Variants in TIAL1 observed in about 807,000 individuals in gnomAD.
TIAL1 encodes the protein nucleolysin TIAR.
Under a neutral mutation model 59.7 loss-of-function variants are expected in TIAL1, and 7 were observed. The ratio of observed to expected loss-of-function variants is 0.12; its 90% CI spans 0.07 to 0.22. The LOEUF (loss-of-function observed/expected upper bound fraction) is 0.22. Among genes scored for constraint, TIAL1 ranks in the 10% least tolerant of loss-of-function variants. TIAL1 has a pLI of 1.00. For synonymous variants in TIAL1, 149 were observed against 146.3 expected (o/e 1.02, Z -0.13); for missense variants, 225 against 462.5 (o/e 0.49, Z 4.71).
chr10:119,582,381 A>G lies in TIAL1; in HGVS notation c.228+78T>C, dbSNP rs1845345889. The G allele has an allele frequency of 6.6e-7, 1 of 1,514,148 alleles. No homozygotes were observed. Among genetic ancestry groups the G allele is most frequent in the Non-Finnish European group, 8.8e-7 (1 of 1,135,428 alleles). 93.8% of individuals were successfully genotyped at this position (1,514,148 alleles called of 1,614,324 possible). A position where few individuals can be genotyped will look rare whatever the true frequency, so the allele number is the denominator to read the frequency against. ...TCAGCAGCCGAATATCTGCTCAAAA[A>G]TTTGCCTAGAAAGAATACAAACTAG... On this transcript the variant is annotated intron_variant, in intron 3 of 11. Coordinates refer to ENST00000436547, the MANE Select transcript of TIAL1 (RefSeq NM_003252.4). This position sits in a 1 kb window ranked among gnomAD's most constrained non-coding sequence, Gnocchi z 5.1.
Position 119,575,647 on chromosome 10 carries a change from T to G in TIAL1, c.*18A>C. The G allele has an allele frequency of 6.2e-7, 1 of 1,613,648 alleles. No individual in the cohort carries two copies. Among genetic ancestry groups the G allele is most frequent in the Non-Finnish European group, 8.5e-7 (1 of 1,179,782 alleles). ...TCGAAGCCTATCATGAATTACAATT[T>G]TTTTTTAGAGTCCCGGCTCACTGTG... On this transcript the variant is annotated 3_prime_UTR_variant, in exon 12 of 12. Coordinates refer to ENST00000436547, the MANE Select transcript of TIAL1 (RefSeq NM_003252.4).
chr10:119,596,386 G>A (rs749524934), intron 1 of TIAL1, 48 bp downstream of exon 1: 23 of 1,607,724 alleles, frequency 1.4e-5, no homozygotes, highest in African/African-American at 2.7e-5. Context: ...AGCGTCCCGC[G>A]GTGCCCGGGC....
chr10:119,577,344 T>C (rs1416583693), intron 9 of TIAL1, 107 bp downstream of exon 9: 13 of 1,433,390 alleles, frequency 9.1e-6, no homozygotes, highest in Non-Finnish European at 1.2e-5. Context: ...TAAACTTCTA[T>C]ACTGCAAAGA....
intron 7 of TIAL1, among the ~76,000 whole-genome samples, chr10:119,578,224 C>CAA (rs10541595): frequency 1.2e-4 from 7 of 57,348 alleles, no homozygotes; most frequent in South Asian, 9.5e-4. Flanking sequence ...GACTCCACCT[C>CAA]AAAAAAAAAA....
chr10:119,589,725 G>T (rs4751742), intron 1 of TIAL1, among the ~76,000 whole-genome samples: 88,702 of 151,996 alleles, frequency 0.58, 29,110 homozygotes, highest in East Asian at 0.88. Context: ...CACACAGAGA[G>T]GACCACCTTG....
At position 119,589,863 on chromosome 10, in the gene TIAL1, C is replaced by T. The variant is rs575631128; in HGVS notation, c.33-1615G>A. Among the ~76,000 whole-genome samples, 9 of 152,214 alleles carry T rather than the reference C, an allele frequency of 5.9e-5. No individual in the cohort carries two copies. The East Asian group carries it at 1.7e-3, about 29-fold the overall frequency. Reference sequence around the variant, plus strand: ...GTTATGAACAACCTCATAAACCAAACAATATCTGTAAAATTTAACAAAGTT... The same window carrying T: ...GTTATGAACAACCTCATAAACCAAATAATATCTGTAAAATTTAACAAAGTT... On this transcript the variant is annotated intron_variant, in intron 1 of 11. Transcript: ENST00000436547.
At chr10:119,591,547 G>T (rs1032829770) in intron 1 of TIAL1, among the ~76,000 whole-genome samples, 15 of 152,104 alleles carry the variant, frequency 9.9e-5, no homozygotes, top group Admixed American at 9.8e-4. Flanking sequence ...TAATATCTAA[G>T]TTTAGAATGT....
intron 6 of TIAL1, 67 bp downstream of exon 6, chr10:119,579,868 C>T: frequency 2.3e-6 from 3 of 1,280,514 alleles, no homozygotes; most frequent in Non-Finnish European, 2.1e-6. Flanking sequence ...GTTTCAGATT[C>T]AATACATTAA....
intron 6 of TIAL1, 124 bp from the exon 7 acceptor site, chr10:119,578,958 T>A: frequency 1.4e-6 from 1 of 716,216 alleles, no homozygotes; most frequent in Non-Finnish European, 2.4e-6. Context: ...CTAAATATCC[T>A]AAACAAAACG....
chr10:119,590,408 T>G (rs1272525202), intron 1 of TIAL1, among the ~76,000 whole-genome samples: 1 of 152,026 alleles, frequency 6.6e-6, no homozygotes, highest in African/African-American at 2.4e-5. Flanking sequence ...AGTAGACCTA[T>G]CTGTAAGAAA....
chr10:119,595,437 TAA>T (rs3064561), intron 1 of TIAL1, among the ~76,000 whole-genome samples: 24,180 of 139,722 alleles, frequency 0.17, 2,287 homozygotes, highest in African/African-American at 0.26. Context: ...TATTCAGACT[TAA>T]AAAAAAAAAA....
Position 119,582,397 on chromosome 10 carries a change from T to A in TIAL1, c.228+62A>T, listed in dbSNP as rs1845346895. 6.5e-7 allele frequency: 1 copy of A among 1,528,342 alleles called. No homozygotes were observed. Among genetic ancestry groups the A allele is most frequent in the East Asian group, 2.3e-5 (1 of 43,906 alleles). The allele number at this position is 1,528,342 out of a possible 1,614,324, so 94.7% of individuals were successfully genotyped here. A position where few individuals can be genotyped will look rare whatever the true frequency, so the allele number is the denominator to read the frequency against. ...TGCTCAAAAATTTGCCTAGAAAGAA[T>A]ACAAACTAGTTTGACATGCAAATAT... On this transcript the variant is annotated intron_variant, in intron 3 of 11. Coordinates refer to ENST00000436547, the MANE Select transcript of TIAL1 (RefSeq NM_003252.4). This position sits in a 1 kb window ranked among gnomAD's most constrained non-coding sequence, Gnocchi z 5.1.
At chr10:119,580,118 A>G (rs1487239827) in intron 5 of TIAL1, 108 bp from the exon 6 acceptor site, 2 of 884,938 alleles carry the variant, frequency 2.3e-6, no homozygotes, top group African/African-American at 1.7e-5. Context: ...ATAAAATTCC[A>G]GTTAGCCCTA....
intron 5 of TIAL1, chr10:119,580,358 CTACTT>C (rs1288838107): frequency 2.9e-6 from 1 of 345,142 alleles, no homozygotes; most frequent in African/African-American, 2.2e-5. Context: ...ACAATACTAA[CTACTT>C]TACCATGCAA....
chr10:119,579,234 A>G (rs999333607), intron 6 of TIAL1, among the ~76,000 whole-genome samples: 1 of 152,192 alleles, frequency 6.6e-6, no homozygotes, highest in Non-Finnish European at 1.5e-5. Context: ...GCTACTCAGG[A>G]GGCTGAGGCA....
intron 1 of TIAL1, chr10:119,588,455 T>A (rs1845684819): frequency 3.1e-6 from 1 of 323,420 alleles, no homozygotes; most frequent in Non-Finnish European, 5.7e-6. Context: ...ACGATTTTCC[T>A]GTCTCAGCCT....
intron 1 of TIAL1, among the ~76,000 whole-genome samples, chr10:119,590,082 TTAG>T (rs1373127006): frequency 6.6e-6 from 1 of 152,200 alleles, no homozygotes; most frequent in Admixed American, 6.5e-5. Flanking sequence ...CAATTAAGAA[TTAG>T]TAGCGATTTT....
chr10:119,596,612 A>G lies in TIAL1; in HGVS notation c.-147T>C. 3.0e-6 allele frequency: 2 copies of G among 658,146 alleles called. No homozygotes were observed. The highest frequency in any genetic ancestry group is 5.2e-6 in the Non-Finnish European group (2 of 386,038). 40.8% of individuals were successfully genotyped at this position (658,146 alleles called of 1,614,324 possible). On this transcript the variant is annotated 5_prime_UTR_variant, in exon 1 of 12. Coordinates refer to ENST00000436547, the MANE Select transcript of TIAL1 (RefSeq NM_003252.4). ...CCCTGCTCTCGGGCTCTCTCCCCCC[A>G]GCCCGCTCCGGACACTGCGCTCCAA...
At chr10:119,580,928 T>C (rs1006047952) in intron 5 of TIAL1, 12 of 726,360 alleles carry the variant, frequency 1.7e-5, no homozygotes, top group Non-Finnish European at 2.2e-5. Flanking sequence ...TAAATAAAGA[T>C]TGAAAAACAG....
Sources: allele counts gnomAD v4.1 joint callset (sites outside exome capture counted in the v4.1 genomes callset), GRCh38; gene constraint gnomAD v4.1.1; non-coding constraint Gnocchi (gnomAD v3.1); transcripts MANE v1.5; gene names NCBI Gene and HGNC (gene_info 2026-07-23, HGNC 2026-07-21).